The following S100Z variants were observed in gnomAD, a reference collection of about 807,000 sequenced individuals.
S100Z encodes the protein S100 calcium binding protein Z, also known as protein S100-Z.
S100Z carries 11 observed loss-of-function variants against 8.5 expected under a neutral mutation model. The observed-to-expected ratio is 1.30, with a 90% CI of 0.82 to 2.15. The LOEUF is 2.15. S100Z is among the 30% of genes most tolerant of loss of function. The probability of loss-of-function intolerance (pLI) is 0.00; values close to 1 mark genes in which losing one functional copy is unlikely to be tolerated. For synonymous variants in S100Z, 34 were observed against 43.8 expected, an observed-to-expected ratio of 0.78 and a Z score of 0.89; for missense variants, 126 against 117.9, an observed-to-expected ratio of 1.07 and a Z score of -0.32.
chr5:76,929,650 G>A, the S100Z span, among the ~76,000 whole-genome samples: 17 of 152,192 alleles, frequency 1.1e-4, no homozygotes, highest in African/African-American at 3.9e-4. Flanking sequence ...TAACCTGAAT[G>A]TGTCAGAAAC....
At chr5:76,906,610 C>T (rs9686312) in intron 4 of S100Z, among the ~76,000 whole-genome samples, 17,107 of 150,280 alleles carry the variant, frequency 0.11, 3,017 homozygotes, top group African/African-American at 0.38. Context: ...ACACAATTTC[C>T]GTGTTTTTTG....
chr5:76,861,403 G>A (rs1751053061), intron 1 of S100Z, among the ~76,000 whole-genome samples: 1 of 151,658 alleles, frequency 6.6e-6, no homozygotes, highest in African/African-American at 2.4e-5. Context: ...GAGGTGGCGT[G>A]AACTCAGCTC....
At chr5:76,898,441 A>G (rs1744114550) in intron 4 of S100Z, among the ~76,000 whole-genome samples, 1 of 152,126 alleles carries the variant, frequency 6.6e-6, no homozygotes, top group Non-Finnish European at 1.5e-5. Flanking sequence ...CTGGGATTAC[A>G]GGCATCAGCC....
intron 1 of S100Z, among the ~76,000 whole-genome samples, chr5:76,868,505 GATATAA>G (rs141178534): frequency 0.2 from 30,429 of 151,634 alleles, 3,241 homozygotes; most frequent in African/African-American, 0.26. Context: ...GGTTAAATAT[GATATAA>G]ATATAATACT....
chr5:76,858,224 T>C (rs1331982282), intron 1 of S100Z, among the ~76,000 whole-genome samples: 1 of 152,144 alleles, frequency 6.6e-6, no homozygotes, highest in African/African-American at 2.4e-5. Context: ...AGGGAACATG[T>C]CAAGAATGAG....
chr5:76,909,623 G>T (rs1324499107), intron 4 of S100Z, among the ~76,000 whole-genome samples: 1 of 152,090 alleles, frequency 6.6e-6, no homozygotes, highest in African/African-American at 2.4e-5. Flanking sequence ...CCCCCGCCCA[G>T]AAGGAAATAA....
intron 4 of S100Z, among the ~76,000 whole-genome samples, chr5:76,912,920 T>C (rs1240413561): frequency 7.2e-6 from 1 of 138,792 alleles, no homozygotes; most frequent in African/African-American, 2.7e-5. Context: ...CAGAGACAAA[T>C]AGGGAGTCAG....
intron 1 of S100Z, among the ~76,000 whole-genome samples, chr5:76,856,303 G>T (rs755871433): frequency 6.6e-6 from 1 of 152,146 alleles, no homozygotes; most frequent in Non-Finnish European, 1.5e-5. Flanking sequence ...AAATTCAAGC[G>T]ATTCTCCTGC....
intron 4 of S100Z, among the ~76,000 whole-genome samples, chr5:76,914,520 C>G (rs1447961790): frequency 6.6e-6 from 1 of 152,130 alleles, no homozygotes; most frequent in Non-Finnish European, 1.5e-5. Context: ...CCCTTCCATG[C>G]TGTGGAAGCT....
intron 4 of S100Z, among the ~76,000 whole-genome samples, chr5:76,893,328 G>T (rs1221493116): frequency 2.0e-5 from 3 of 152,070 alleles, no homozygotes; most frequent in Non-Finnish European, 4.4e-5. Flanking sequence ...GGTCTGTGAT[G>T]GGGTAGAAAG....
chr5:76,922,609 C>T (rs760051043), downstream of S100Z, among the ~76,000 whole-genome samples: 4 of 152,158 alleles, frequency 2.6e-5, no homozygotes, highest in Non-Finnish European at 4.4e-5. Context: ...CTGCAAGCTC[C>T]GCCTCCTGGG....
downstream of S100Z, among the ~76,000 whole-genome samples, chr5:76,924,450 C>T (rs1039131786): frequency 2.0e-5 from 3 of 152,150 alleles, no homozygotes; most frequent in South Asian, 2.1e-4. Context: ...GGCTCCTACA[C>T]GTTCTAACAA....
At chr5:76,869,738 G>T (rs1042338920) in intron 1 of S100Z, among the ~76,000 whole-genome samples, 5 of 152,176 alleles carry the variant, frequency 3.3e-5, no homozygotes, top group Non-Finnish European at 7.3e-5. Context: ...AAGAATTGTG[G>T]CTGGGTGCAG....
chr5:76,932,669 G>C, the S100Z span, among the ~76,000 whole-genome samples: 3 of 151,982 alleles, frequency 2.0e-5, no homozygotes, highest in African/African-American at 7.3e-5. Context: ...GACCATTTTT[G>C]AAACTCCAGT....
chr5:76,863,578 G>C (rs539495905), intron 1 of S100Z, among the ~76,000 whole-genome samples: 2 of 151,962 alleles, frequency 1.3e-5, no homozygotes, highest in Non-Finnish European at 2.9e-5. Context: ...TCACTCTGTT[G>C]CCCAGGCTGG....
intron 4 of S100Z, among the ~76,000 whole-genome samples, chr5:76,906,104 A>G (rs1453661365): frequency 1.3e-5 from 2 of 152,264 alleles, no homozygotes; most frequent in Non-Finnish European, 2.9e-5. Context: ...TAATGGGATT[A>G]TAGGCATCAG....
rs1430789457 is a variant in S100Z, at chr5:76,870,280, A to C, written c.-61A>C. ...TCTCGGCTGAGTCATCGCATTCCTT[A>C]ATAGGTAAATAAGCCTAATTAATGC... On this transcript the variant is annotated 5_prime_UTR_variant, in exon 2 of 5. Coordinates refer to ENST00000317593, the MANE Select transcript of S100Z (RefSeq NM_130772.4). 1 of 152,204 alleles carries C rather than the reference A, an allele frequency of 6.6e-6. No individual in the cohort carries two copies. The highest frequency in any genetic ancestry group is 1.5e-5 in the Non-Finnish European group (1 of 68,038). 9.4% of individuals were successfully genotyped at this position (152,204 alleles called of 1,614,324 possible).
At chr5:76,865,135 T>A (rs1477194956) in intron 1 of S100Z, among the ~76,000 whole-genome samples, 1 of 152,176 alleles carries the variant, frequency 6.6e-6, no homozygotes, top group African/African-American at 2.4e-5. Flanking sequence ...CAGGTGTTAT[T>A]GTCCCTGAGA....
intron 1 of S100Z, among the ~76,000 whole-genome samples, chr5:76,859,917 C>T (rs1751006920): frequency 6.6e-6 from 1 of 152,132 alleles, no homozygotes; most frequent in Non-Finnish European, 1.5e-5. Context: ...GGTTTGTAAC[C>T]TAACCCAAAA....
Sources: allele counts gnomAD v4.1 joint callset (sites outside exome capture counted in the v4.1 genomes callset), GRCh38; gene constraint gnomAD v4.1.1; transcripts MANE v1.5; gene names NCBI Gene and HGNC (gene_info 2026-07-23, HGNC 2026-07-21).